Variants in GRM7 observed in about 807,000 individuals in gnomAD.
GRM7 encodes metabotropic glutamate receptor 7.
In GRM7, 35 loss-of-function variants were observed where a neutral mutation model predicts 84.5. The ratio of observed to expected loss-of-function variants is 0.41; its 90% CI spans 0.32 to 0.55. GRM7 has a LOEUF of 0.55. GRM7 is among the 20% of genes least tolerant of loss of function. The pLI, the probability that GRM7 is intolerant of heterozygous loss-of-function variation, is 0.19. For missense variants in GRM7, 1,003 were observed against 1,194.6 expected (o/e 0.84, Z 2.36); for synonymous variants, 487 against 455.1 (o/e 1.07, Z -0.89).
In GRM7 at chr3:7,390,476, A is replaced by G. The variant is rs73809095; in HGVS notation, c.1034-24547A>G. ...TTTCTTTTCTCATTCAGGAATGCCA[A>G]TAAATCATAGATTCGGTCACCTTAT... On this transcript the variant is annotated intron_variant, in intron 4 of 9. Coordinates refer to ENST00000357716, the MANE Select transcript of GRM7 (RefSeq NM_000844.4). 4.3e-3 allele frequency among the ~76,000 whole-genome samples: 658 copies of G among 152,244 alleles called. 3 individuals are homozygous for G. The highest frequency in any genetic ancestry group is 0.015 in the African/African-American group (607 of 41,572).
intron 1 of GRM7, among the ~76,000 whole-genome samples, chr3:7,059,835 T>A (rs1391939): frequency 0.24 from 36,443 of 151,602 alleles, 4,761 homozygotes; most frequent in African/African-American, 0.34. Flanking sequence ...AAAACATTGG[T>A]CTTCTCCAGA....
chr3:7,097,656 G>A (rs1159212879), intron 1 of GRM7, among the ~76,000 whole-genome samples: 1 of 152,028 alleles, frequency 6.6e-6, no homozygotes, highest in African/African-American at 2.4e-5. Flanking sequence ...TCTCTCTACT[G>A]TCTGCATTTT....
chr3:7,476,597 T>A (rs1559349720), intron 7 of GRM7, among the ~76,000 whole-genome samples: 1 of 152,128 alleles, frequency 6.6e-6, no homozygotes, highest in Admixed American at 6.6e-5. Context: ...CAGTGGCTGA[T>A]ACAATAAATA....
chr3:7,149,339 C>G (rs925137837), intron 2 of GRM7, among the ~76,000 whole-genome samples: 2 of 152,096 alleles, frequency 1.3e-5, no homozygotes, highest in Non-Finnish European at 2.9e-5. Context: ...AAAGGTGATT[C>G]TGGTATTTAA....
intron 8 of GRM7, among the ~76,000 whole-genome samples, chr3:7,604,154 A>G (rs1368302994): frequency 6.6e-6 from 1 of 151,912 alleles, no homozygotes; most frequent in East Asian, 1.9e-4. Context: ...AAAAAAGCAT[A>G]ACTTTCCATT....
intron 7 of GRM7, among the ~76,000 whole-genome samples, chr3:7,552,906 T>C (rs1159780416): frequency 6.6e-6 from 1 of 152,270 alleles, no homozygotes; most frequent in Non-Finnish European, 1.5e-5. Flanking sequence ...TGCAAATTTC[T>C]GCAGCTGCCT....
intron 1 of GRM7, among the ~76,000 whole-genome samples, chr3:6,940,150 G>A (rs979980141): frequency 2.6e-5 from 4 of 152,054 alleles, no homozygotes; most frequent in Admixed American, 6.6e-5. Flanking sequence ...GGAATGCAGT[G>A]GCACAATCGT....
chr3:7,201,363 G>A (rs1333497120), intron 2 of GRM7, among the ~76,000 whole-genome samples: 2 of 152,052 alleles, frequency 1.3e-5, no homozygotes, highest in Non-Finnish European at 2.9e-5. Context: ...CATGAAAATA[G>A]TGGAAGATAG....
At chr3:7,600,234 G>T (rs986319396) in intron 8 of GRM7, among the ~76,000 whole-genome samples, 1 of 151,792 alleles carries the variant, frequency 6.6e-6, no homozygotes, top group South Asian at 2.1e-4. Flanking sequence ...GTGTACCAGG[G>T]GTATAGTGTT....
intron 8 of GRM7, among the ~76,000 whole-genome samples, chr3:7,625,893 G>A (rs1032200045): frequency 1.3e-5 from 2 of 152,106 alleles, no homozygotes; most frequent in Non-Finnish European, 2.9e-5. Flanking sequence ...TCAGCAAAGG[G>A]AGAAATTACA....
chr3:7,293,493 CCTAT>C (rs1245810393), intron 2 of GRM7, among the ~76,000 whole-genome samples: 5 of 152,172 alleles, frequency 3.3e-5, no homozygotes, highest in Admixed American at 3.3e-4. Flanking sequence ...ATGGAGTTGT[CCTAT>C]CTGTCATGGC....
chr3:7,154,473 T>C (rs1694384712), intron 2 of GRM7, among the ~76,000 whole-genome samples: 1 of 152,146 alleles, frequency 6.6e-6, no homozygotes, highest in South Asian at 2.1e-4. Context: ...CCTGCCATCA[T>C]TGCACTTGAT....
chr3:7,022,508 G>A (rs1445047610), intron 1 of GRM7, among the ~76,000 whole-genome samples: 5 of 151,608 alleles, frequency 3.3e-5, no homozygotes, highest in Admixed American at 6.6e-5. Flanking sequence ...CCTATGCATA[G>A]CCTACAATAC....
chr3:7,171,150 A>G (rs148716607), intron 2 of GRM7, among the ~76,000 whole-genome samples: 148 of 152,252 alleles, frequency 9.7e-4, no homozygotes, highest in African/African-American at 3.3e-3. Context: ...TGAGATCAAG[A>G]TGTCTGCAGA....
intron 1 of GRM7, among the ~76,000 whole-genome samples, chr3:7,054,948 T>C (rs552911823): frequency 6.6e-6 from 1 of 152,084 alleles, no homozygotes; most frequent in South Asian, 2.1e-4. Flanking sequence ...GCTGGGGAAT[T>C]GCAAGGCTCA....
intron 6 of GRM7, among the ~76,000 whole-genome samples, chr3:7,453,692 A>G (rs1454340218): frequency 6.6e-6 from 1 of 151,918 alleles, no homozygotes; most frequent in Non-Finnish European, 1.5e-5. Context: ...CATGTGTTCA[A>G]CTCTGAACCT....
In GRM7 at chr3:7,428,436, GTGTT is replaced by G. The variant is rs201767004; in HGVS notation, c.1174+13274_1174+13277del. 3.2e-3 allele frequency among the ~76,000 whole-genome samples: 493 copies of G among 152,182 alleles called. 6 individuals carry two copies. The highest frequency in any genetic ancestry group is 0.022 in the South Asian group (106 of 4,814). ...TCTTGTGATTTCAACACAATAGTGT[GTGTT>G]CTTTCATTAAAATGGTGAATGAGAT... On this transcript the variant is annotated intron_variant, in intron 5 of 9. Coordinates refer to ENST00000357716, the MANE Select transcript of GRM7 (RefSeq NM_000844.4).
In GRM7 at chr3:7,202,968, A is replaced by G. The variant is rs141791909; in HGVS notation, c.736+56300A>G. On this transcript the variant is annotated intron_variant, in intron 2 of 9. Coordinates refer to ENST00000357716, the MANE Select transcript of GRM7 (RefSeq NM_000844.4). ...ACATTTTCTATTATTAATGGTGTACATATGAGTGTGTGTTAGATGCATAGA... is the reference window on the plus strand; with the variant it reads ...ACATTTTCTATTATTAATGGTGTACGTATGAGTGTGTGTTAGATGCATAGA... 2.3e-4 allele frequency among the ~76,000 whole-genome samples: 35 copies of G among 152,348 alleles called. No homozygotes were observed. The East Asian group carries it at 6.6e-3, about 29-fold the overall frequency.
chr3:7,338,456 T>C (rs1288198791), intron 4 of GRM7, among the ~76,000 whole-genome samples: 5 of 152,012 alleles, frequency 3.3e-5, no homozygotes, highest in Non-Finnish European at 2.9e-5. Flanking sequence ...AACTTATTCA[T>C]GTAGCTGAAC....
Sources: allele counts gnomAD v4.1 joint callset (sites outside exome capture counted in the v4.1 genomes callset), GRCh38; gene constraint gnomAD v4.1.1; transcripts MANE v1.5; gene names NCBI Gene and HGNC (gene_info 2026-07-23, HGNC 2026-07-21).